The following GSTO1 variants were observed in gnomAD, a reference collection of about 807,000 sequenced individuals.
The protein encoded by GSTO1 is glutathione S-transferase omega-1.
A neutral mutation model predicts 23.8 loss-of-function variants in GSTO1; 27 were observed. The ratio of observed to expected loss-of-function variants is 1.13; its 90% confidence interval spans 0.83 to 1.56. GSTO1 has a LOEUF of 1.56. Among genes scored for constraint, GSTO1 ranks in the 40% most tolerant of loss-of-function variants. The pLI, the probability that GSTO1 is intolerant of heterozygous loss-of-function variation, is 0.00. For missense variants in GSTO1, 255 were observed against 285.8 expected, an observed-to-expected ratio of 0.89 and a Z score of 0.78; for synonymous variants, 105 against 109.3, an observed-to-expected ratio of 0.96 and a Z score of 0.25.
intron 3 of GSTO1, among the ~76,000 whole-genome samples, chr10:104,261,315 A>G (rs542285879): frequency 6.6e-6 from 1 of 152,192 alleles, no homozygotes; most frequent in Non-Finnish European, 1.5e-5. Context: ...AATGCTGAAG[A>G]TGCCCACCTT....
At chr10:104,265,851 G>GTGACTTGTTTTATTTTTCAAT (rs1417997310) in intron 4 of GSTO1, among the ~76,000 whole-genome samples, 1 of 152,012 alleles carries the variant, frequency 6.6e-6, no homozygotes, top group Non-Finnish European at 1.5e-5. Context: ...GTTGTACTCT[G>GTGACTTGTTTTATTTTTCAAT]TGACTTGTTT....
chr10:104,258,287 A>C (rs1047871802), intron 2 of GSTO1, among the ~76,000 whole-genome samples: 1 of 152,208 alleles, frequency 6.6e-6, no homozygotes, highest in Non-Finnish European at 1.5e-5. Context: ...AAAAACCGCC[A>C]ACGTGTAAAA....
At chr10:104,255,080 C>A in intron 1 of GSTO1, 83 bp from the exon 2 acceptor site, 2 of 1,432,688 alleles carry the variant, frequency 1.4e-6, no homozygotes, top group South Asian at 1.2e-5. Context: ...CGGGTCGGAG[C>A]TGCAGTGGGA....
intron 2 of GSTO1, among the ~76,000 whole-genome samples, chr10:104,257,930 G>C (rs2011108902): frequency 6.6e-6 from 1 of 151,990 alleles, no homozygotes; most frequent in South Asian, 2.1e-4. Context: ...ATTTTCTTCA[G>C]AGCATTTATA....
intron 3 of GSTO1, among the ~76,000 whole-genome samples, chr10:104,260,296 T>A (rs1174329723): frequency 6.6e-6 from 1 of 152,220 alleles, no homozygotes; most frequent in East Asian, 1.9e-4. Flanking sequence ...GTTAGTTCAC[T>A]GCCTAGTTTT....
At chr10:104,266,015 C>T (rs2011177722) in intron 4 of GSTO1, 69 bp from the exon 5 acceptor site, 6 of 829,756 alleles carry the variant, frequency 7.2e-6, no homozygotes, top group Middle Eastern at 2.3e-4. Flanking sequence ...ACTTATTTCC[C>T]TTCAGCATTT....
In GSTO1 at chr10:104,258,626, C is replaced by T. The variant is rs542974785; in HGVS notation, c.144-950C>T. Among the ~76,000 whole-genome samples the T allele has an allele frequency of 3.3e-5, 5 of 152,242 alleles. No individual in the cohort carries two copies. The South Asian group carries it at 8.3e-4, about 25-fold the overall frequency. ...GCATGGTAGCTCACGCCTATAACCC[C>T]GAGGCAGACAGTTCACTTGAGCCCA... is the stretch of plus-strand genomic sequence containing the variant. On this transcript the variant is annotated intron_variant, in intron 2 of 5. Transcript: ENST00000369713.
At chr10:104,264,535 C>T (rs1038074440) in intron 4 of GSTO1, among the ~76,000 whole-genome samples, 4 of 152,164 alleles carry the variant, frequency 2.6e-5, no homozygotes, top group African/African-American at 4.8e-5. Context: ...GTAACCAATT[C>T]GCCTTCTTAA....
At chr10:104,264,300 T>A (rs557562422) in intron 4 of GSTO1, among the ~76,000 whole-genome samples, 10 of 152,322 alleles carry the variant, frequency 6.6e-5, no homozygotes, top group Admixed American at 5.2e-4. Flanking sequence ...GTTGGTACTT[T>A]TATATTTTTC....
chr10:104,254,774 C>G (rs753449261), upstream of GSTO1: 132 of 710,338 alleles, frequency 1.9e-4, no homozygotes, highest in Admixed American at 1.6e-3. Flanking sequence ...CCCATAAAGC[C>G]GGGAAGGCAC....
chr10:104,254,260 A>G (rs972153284), upstream of GSTO1: 1 of 152,544 alleles, frequency 6.6e-6, no homozygotes, highest in African/African-American at 2.4e-5. Flanking sequence ...TACATTGCCA[A>G]GATGAAATTC....
chr10:104,265,987 G>C (rs1270085678), intron 4 of GSTO1, 97 bp from the exon 5 acceptor site: 2 of 627,980 alleles, frequency 3.2e-6, no homozygotes, highest in African/African-American at 3.7e-5. Flanking sequence ...AGTAAAAACT[G>C]CTTCTCTCAC....
intron 2 of GSTO1, among the ~76,000 whole-genome samples, chr10:104,256,626 C>T (rs994228568): frequency 6.6e-6 from 1 of 152,160 alleles, no homozygotes; most frequent in Non-Finnish European, 1.5e-5. Flanking sequence ...GAGGCTTTTA[C>T]TGGGAAAGTA....
intron 4 of GSTO1, among the ~76,000 whole-genome samples, chr10:104,264,137 G>A (rs2011160762): frequency 6.6e-6 from 1 of 152,136 alleles, no homozygotes; most frequent in Non-Finnish European, 1.5e-5. Flanking sequence ...TAACTAACCT[G>A]TTTTTCTAAT....
At position 104,255,049 on chromosome 10, in the gene GSTO1, G is replaced by A. The variant is rs975833276; in HGVS notation, c.34+87G>A. On this transcript the variant is annotated intron_variant, in intron 1 of 5. Coordinates refer to ENST00000369713, the MANE Select transcript of GSTO1 (RefSeq NM_004832.3). ...CTGCTCCGGGAGCCCAGCCGCCCGG[G>A]AGCGCCCCACCGGCGGGGAACGGGT... The A allele has an allele frequency of 5.0e-5, 73 of 1,473,372 alleles. 3 individuals are homozygous for A. The highest frequency in any genetic ancestry group is 1.9e-4 in the Middle Eastern group (1 of 5,374). 91.3% of individuals were successfully genotyped at this position (1,473,372 alleles called of 1,614,324 possible).
chr10:104,267,079 C>G (rs562983115), intron 5 of GSTO1, among the ~76,000 whole-genome samples, 173 bp from the exon 6 acceptor site: 19 of 152,204 alleles, frequency 1.2e-4, no homozygotes, highest in Non-Finnish European at 2.5e-4. Context: ...AAAAAAGGGA[C>G]CTCTATAGTG....
Position 104,254,896 on chromosome 10 carries a change from AC to A in GSTO1, c.-29del, listed in dbSNP as rs1440092615. ...CACCTACTTCCTGAATCCCCTGCAAACCCCAGAGGAGCTCGGCCTGCGCTGC... is the reference window on the plus strand; with the variant it reads ...CACCTACTTCCTGAATCCCCTGCAAACCCAGAGGAGCTCGGCCTGCGCTGC... On this transcript the variant is annotated 5_prime_UTR_variant, in exon 1 of 6. Coordinates refer to ENST00000369713, the MANE Select transcript of GSTO1 (RefSeq NM_004832.3). 3 of 1,607,640 alleles carry A rather than the reference AC, an allele frequency of 1.9e-6. No individual in the cohort carries two copies. The South Asian group carries it at 3.3e-5, about 18-fold the overall frequency.
At chr10:104,263,928 T>A (rs543569445) in intron 4 of GSTO1, among the ~76,000 whole-genome samples, 2 of 150,836 alleles carry the variant, frequency 1.3e-5, no homozygotes, top group Admixed American at 6.6e-5. Flanking sequence ...TTTTTTTTTT[T>A]AATGTTTAAC....
intron 1 of GSTO1, 72 bp from the exon 2 acceptor site, chr10:104,255,091 C>A: frequency 7.0e-7 from 1 of 1,435,626 alleles, no homozygotes; most frequent in Non-Finnish European, 9.7e-7. Flanking sequence ...TGCAGTGGGA[C>A]GCGGGGGCGG....
Sources: gnomAD v4.1 joint callset for allele counts (sites outside exome capture counted in the v4.1 genomes callset) on GRCh38, gnomAD v4.1.1 for gene constraint, MANE v1.5 for transcripts, NCBI Gene and HGNC (gene_info 2026-07-23, HGNC 2026-07-21) for gene names.